The following CTNNA2 variants were observed in gnomAD, a reference collection of about 807,000 sequenced individuals.
CTNNA2 encodes the protein catenin alpha-2.
In CTNNA2, 42 loss-of-function variants were observed where a neutral mutation model predicts 101.0. The observed-to-expected ratio is 0.42, with a 90% confidence interval of 0.32 to 0.54. The LOEUF (loss-of-function observed/expected upper bound fraction) is 0.54. Ranked by LOEUF, CTNNA2 falls within the 20% of genes least tolerant of loss-of-function variation. The probability of loss-of-function intolerance (pLI) is 0.14; values close to 1 mark genes in which losing one functional copy is unlikely to be tolerated. For synonymous variants in CTNNA2, 450 were observed against 456.4 expected, an observed-to-expected ratio of 0.99 and a Z score of 0.18; for missense variants, 871 against 1,223.1, an observed-to-expected ratio of 0.71 and a Z score of 4.29.
At chr2:79,637,832 G>A (rs1371782933) in intron 1 of CTNNA2, among the ~76,000 whole-genome samples, 1 of 152,188 alleles carries the variant, frequency 6.6e-6, no homozygotes. Context: ...AACAAACTTT[G>A]GTTGAATTCC....
intron 2 of CTNNA2, among the ~76,000 whole-genome samples, chr2:79,279,709 C>A (rs945429205): frequency 6.6e-6 from 1 of 152,078 alleles, no homozygotes; most frequent in Non-Finnish European, 1.5e-5. Context: ...TTTGGTAAGA[C>A]CATGGGGCAC....
chr2:80,220,795 AT>A (rs1387834932), intron 7 of CTNNA2, among the ~76,000 whole-genome samples: 1 of 152,096 alleles, frequency 6.6e-6, no homozygotes. Context: ...AGAGTTATAT[AT>A]TTTCCATCTG....
At position 80,302,326 on chromosome 2, in the gene CTNNA2, C is replaced by T. The variant is rs149883491; in HGVS notation, c.1057-90885C>T. The stretch of plus-strand genomic sequence containing the variant: ...ACTCGTTGATGATCACCAGGGCTCC[C>T]TCAATGTGGTTCGGTTTGTAATCAA... On this transcript the variant is annotated intron_variant, in intron 7 of 18. Coordinates refer to ENST00000402739, the MANE Select transcript of CTNNA2 (RefSeq NM_001282597.3). The surrounding 1 kb of genome is among the most constrained non-coding windows in gnomAD (Gnocchi z 6.4). 1.2e-6 allele frequency: 2 copies of T among 1,614,212 alleles called. No homozygotes were observed. The highest frequency in any genetic ancestry group is 8.5e-7 in the Non-Finnish European group (1 of 1,180,034).
chr2:79,706,453 G>GA (rs1446599466), intron 2 of CTNNA2, among the ~76,000 whole-genome samples: 3 of 151,694 alleles, frequency 2.0e-5, no homozygotes, highest in Admixed American at 6.6e-5. Context: ...GGGTTTGGGG[G>GA]AAAAAACCTT....
At chr2:79,813,429 A>G (rs748300638) in intron 3 of CTNNA2, among the ~76,000 whole-genome samples, 2 of 152,224 alleles carry the variant, frequency 1.3e-5, no homozygotes, top group Non-Finnish European at 2.9e-5. Flanking sequence ...TTACAGATCA[A>G]GCTAATAAGT....
chr2:79,981,195 A>G (rs1691240061), intron 7 of CTNNA2, among the ~76,000 whole-genome samples: 1 of 152,144 alleles, frequency 6.6e-6, no homozygotes, highest in African/African-American at 2.4e-5. Context: ...AAGTAAACAG[A>G]GGGGAAAAAA....
chr2:80,372,834 C>A (rs10184863), intron 7 of CTNNA2, among the ~76,000 whole-genome samples: 2 of 152,102 alleles, frequency 1.3e-5, no homozygotes, highest in Non-Finnish European at 2.9e-5. Flanking sequence ...TTTGCTCCCC[C>A]CTTCCCCAGG....
intron 7 of CTNNA2, among the ~76,000 whole-genome samples, chr2:79,939,958 G>A (rs1242696496): frequency 6.6e-6 from 1 of 152,096 alleles, no homozygotes; most frequent in African/African-American, 2.4e-5. Flanking sequence ...TGGGCGTGGT[G>A]GCATATGCCT....
chr2:79,881,374 C>A (rs1405052462), intron 6 of CTNNA2, among the ~76,000 whole-genome samples: 1 of 152,158 alleles, frequency 6.6e-6, no homozygotes, highest in Admixed American at 6.5e-5. Flanking sequence ...TGTTAATTTT[C>A]TGTCTTGTTG....
chr2:80,308,712 A>G (rs966643128), intron 7 of CTNNA2, among the ~76,000 whole-genome samples: 2 of 152,224 alleles, frequency 1.3e-5, no homozygotes, highest in Non-Finnish European at 2.9e-5. Flanking sequence ...ACTAACTGCC[A>G]TGCTCTATGA....
At chr2:79,385,979 CTGCAATAAACATACATG>C (rs1328363128) in intron 4 of CTNNA2, among the ~76,000 whole-genome samples, 1 of 150,842 alleles carries the variant, frequency 6.6e-6, no homozygotes, top group Non-Finnish European at 1.5e-5. Context: ...TTGAAGAGTG[CTGCAATAAACATACATG>C]TGCATGTGTC....
At chr2:80,625,901 A>T (rs941657449) in intron 18 of CTNNA2, among the ~76,000 whole-genome samples, 4 of 152,092 alleles carry the variant, frequency 2.6e-5, no homozygotes, top group Admixed American at 2.0e-4. Context: ...TAATTTCTTT[A>T]TAATTTACTC....
chr2:79,956,533 G>A (rs187777650), intron 7 of CTNNA2, among the ~76,000 whole-genome samples: 5 of 152,256 alleles, frequency 3.3e-5, no homozygotes, highest in Admixed American at 6.5e-5. Context: ...AAAAAAGGCA[G>A]GAGAGTTTTA....
chr2:79,878,570 T>C (rs1683191563), intron 6 of CTNNA2, among the ~76,000 whole-genome samples: 1 of 152,270 alleles, frequency 6.6e-6, no homozygotes, highest in African/African-American at 2.4e-5. Context: ...TTGATTTGCA[T>C]TTGTCTAATG....
intron 2 of CTNNA2, among the ~76,000 whole-genome samples, chr2:79,209,051 C>T (rs1363036526): frequency 6.6e-6 from 1 of 152,084 alleles, no homozygotes; most frequent in Admixed American, 6.6e-5. Context: ...CATGGTGGCT[C>T]ACGCTTGTAA....
chr2:80,634,708 G>T (rs761701353), intron 18 of CTNNA2, among the ~76,000 whole-genome samples: 2 of 152,088 alleles, frequency 1.3e-5, no homozygotes, highest in Non-Finnish European at 2.9e-5. Flanking sequence ...GCCAGTAAGA[G>T]GTTCTGAGAA....
intron 14 of CTNNA2, among the ~76,000 whole-genome samples, chr2:80,584,493 T>C (rs1044461309): frequency 6.6e-6 from 1 of 151,850 alleles, no homozygotes; most frequent in Non-Finnish European, 1.5e-5. Context: ...GGTGATCTGA[T>C]AAAATATGGA....
At chr2:79,942,939 G>A (rs1558661404) in intron 7 of CTNNA2, among the ~76,000 whole-genome samples, 1 of 152,198 alleles carries the variant, frequency 6.6e-6, no homozygotes, top group Non-Finnish European at 1.5e-5. Flanking sequence ...GAAGTCAGCT[G>A]AGCATGGTGG....
rs536013277 is a variant in CTNNA2, at chr2:79,748,017, A to G, written c.298+3435A>G. On this transcript the variant is annotated intron_variant, in intron 3 of 18. Coordinates refer to ENST00000402739, the MANE Select transcript of CTNNA2 (RefSeq NM_001282597.3). ...CTGCAATCTTTTCCATACACTGCACATGCCTCTCAGGTGTGAGTGGTGCAC... is the reference window on the plus strand; with the variant it reads ...CTGCAATCTTTTCCATACACTGCACGTGCCTCTCAGGTGTGAGTGGTGCAC... Among the ~76,000 whole-genome samples, 139 of 152,346 alleles carry G rather than the reference A, an allele frequency of 9.1e-4. 1 individual carries two copies. Among genetic ancestry groups the G allele is most frequent in the Admixed American group, 8.9e-3 (136 of 15,294 alleles).
Sources: gnomAD v4.1 joint callset for allele counts (sites outside exome capture counted in the v4.1 genomes callset) on GRCh38, gnomAD v4.1.1 for gene constraint, Gnocchi (gnomAD v3.1) non-coding constraint, MANE v1.5 for transcripts, NCBI Gene and HGNC (gene_info 2026-07-23, HGNC 2026-07-21) for gene names.